The following SDK1 variants were observed in gnomAD, a reference collection of about 807,000 sequenced individuals.
The protein encoded by SDK1 is sidekick cell adhesion molecule 1.
Under a neutral mutation model 245.5 loss-of-function variants are expected in SDK1, and 157 were observed. The observed-to-expected ratio is 0.64, with a 90% CI of 0.56 to 0.73. SDK1 has a LOEUF of 0.73. SDK1 is among the 30% of genes least tolerant of loss of function. The probability of loss-of-function intolerance (pLI) is 0.00; values close to 1 mark genes in which losing one functional copy is unlikely to be tolerated. For synonymous variants in SDK1, 1,647 were observed against 1,278.5 expected (o/e 1.29, Z -6.15); for missense variants, 3,583 against 3,002.3 (o/e 1.19, Z -4.52).
At chr7:3,580,261 A>G (rs576046271) in intron 1 of SDK1, among the ~76,000 whole-genome samples, 1 of 152,190 alleles carries the variant, frequency 6.6e-6, no homozygotes, top group African/African-American at 2.4e-5. Context: ...CAAACTACCC[A>G]TAACATTCTT....
chr7:3,768,175 A>T (rs1001039139), intron 4 of SDK1, among the ~76,000 whole-genome samples: 5 of 152,192 alleles, frequency 3.3e-5, no homozygotes, highest in Admixed American at 1.3e-4. Context: ...TTCTAATTGC[A>T]TTTACTATTC....
chr7:3,804,621 A>G (rs944748755), intron 4 of SDK1, among the ~76,000 whole-genome samples: 1 of 152,196 alleles, frequency 6.6e-6, no homozygotes, highest in African/African-American at 2.4e-5. Context: ...TTTTGAAGGA[A>G]TCACATTAAA....
rs778307939 is a variant in SDK1 at position 3,642,054 on chromosome 7, C to A, written c.662C>A (p.Pro221His). The change falls in exon 4 of 45, where the codon CCT becomes CAT. Residue 221 changes from proline to histidine, a missense_variant. Transcript: ENST00000404826. ...CTGCCCATCACCAGCTACCCCAGAC[C>A]TCAAGTGACTTGGTTTAGAGAAGGG... The part of the protein sequence containing the change: ...NLLPITSYPR[P>H]QVTWFREGHK... The A allele has an allele frequency of 1.9e-6, 3 of 1,614,150 alleles. No homozygotes were observed. In the South Asian group the frequency reaches 3.3e-5, roughly 18 times the overall value.
chr7:3,451,379 T>A (rs1250217689), intron 1 of SDK1, among the ~76,000 whole-genome samples: 1 of 151,924 alleles, frequency 6.6e-6, no homozygotes, highest in Non-Finnish European at 1.5e-5. Context: ...CAGGGAAGAA[T>A]GCGAATAGCT....
At chr7:3,659,052 A>G (rs980075742) in intron 4 of SDK1, among the ~76,000 whole-genome samples, 4 of 152,170 alleles carry the variant, frequency 2.6e-5, no homozygotes, top group Admixed American at 1.3e-4. Flanking sequence ...GAATTTGCCT[A>G]TTCTGTCACT....
chr7:3,849,112 G>A (rs539960250), intron 5 of SDK1, among the ~76,000 whole-genome samples: 4 of 152,226 alleles, frequency 2.6e-5, no homozygotes, highest in Non-Finnish European at 4.4e-5. Context: ...TTTGCCGTCC[G>A]AACTTTCCCT....
intron 1 of SDK1, among the ~76,000 whole-genome samples, chr7:3,489,414 T>C (rs1231575064): frequency 2.0e-5 from 3 of 152,250 alleles, no homozygotes; most frequent in African/African-American, 4.8e-5. Context: ...CTGAAAATTA[T>C]TACTATAAAA....
In SDK1 at chr7:4,265,592, A is replaced by G; in HGVS notation, c.*208A>G. On this transcript the variant is annotated 3_prime_UTR_variant, in exon 45 of 45. Coordinates refer to ENST00000404826, the MANE Select transcript of SDK1 (RefSeq NM_152744.4). ...TTTTTGTAACTTCGCTGCAGGAAGC[A>G]GGTTTGTTTCTTTTTCTTTTCTTTT... 1 of 1,342,058 alleles carries G rather than the reference A, an allele frequency of 7.5e-7. No homozygotes were observed. Among genetic ancestry groups the G allele is most frequent in the Non-Finnish European group, 9.5e-7 (1 of 1,056,220 alleles). 83.1% of individuals were successfully genotyped at this position (1,342,058 alleles called of 1,614,324 possible).
chr7:3,971,994 C>T (rs542517674), intron 12 of SDK1, among the ~76,000 whole-genome samples: 13 of 151,960 alleles, frequency 8.6e-5, no homozygotes, highest in African/African-American at 2.7e-4. Context: ...GGAGGGAGTC[C>T]TGTGCATGGG....
chr7:3,622,187 A>C (rs887461844), intron 2 of SDK1, among the ~76,000 whole-genome samples: 13 of 152,174 alleles, frequency 8.5e-5, no homozygotes, highest in African/African-American at 3.1e-4. Context: ...AATTTAAAAC[A>C]ATTTTGTAGG....
intron 22 of SDK1, among the ~76,000 whole-genome samples, chr7:4,085,169 C>T (rs1781350893): frequency 6.6e-6 from 1 of 152,186 alleles, no homozygotes; most frequent in Non-Finnish European, 1.5e-5. Flanking sequence ...AGAGGTTCAA[C>T]CTGTGGTCTG....
At chr7:3,899,303 C>G (rs975937927) in intron 5 of SDK1, among the ~76,000 whole-genome samples, 2 of 152,146 alleles carry the variant, frequency 1.3e-5, no homozygotes, top group African/African-American at 4.8e-5. Context: ...CTGTCCTTGC[C>G]CCTCCTTGGC....
chr7:3,503,399 G>T (rs530489145), intron 1 of SDK1, among the ~76,000 whole-genome samples: 1 of 152,298 alleles, frequency 6.6e-6, no homozygotes, highest in South Asian at 2.1e-4. Flanking sequence ...ACAACTTCAG[G>T]TGGGGTGTGG....
At chr7:4,113,612 G>A (rs76501808) in intron 24 of SDK1, among the ~76,000 whole-genome samples, 173 bp downstream of exon 24, 1 of 152,196 alleles carries the variant, frequency 6.6e-6, no homozygotes, top group Non-Finnish European at 1.5e-5. Flanking sequence ...TCTCAGGCCA[G>A]CCCAGGAGAT....
intron 38 of SDK1, among the ~76,000 whole-genome samples, chr7:4,210,843 C>A (rs913368860): frequency 1.3e-5 from 2 of 152,208 alleles, no homozygotes; most frequent in Non-Finnish European, 2.9e-5. Context: ...AAACAACAGC[C>A]CGAGCGTGAT....
intron 4 of SDK1, among the ~76,000 whole-genome samples, chr7:3,668,755 C>T (rs1354657230): frequency 6.6e-6 from 1 of 152,238 alleles, no homozygotes; most frequent in African/African-American, 2.4e-5. Flanking sequence ...GGCGCCATTG[C>T]ACTCCAGCCT....
intron 1 of SDK1, among the ~76,000 whole-genome samples, chr7:3,512,601 T>G (rs1445989171): frequency 6.6e-6 from 1 of 152,192 alleles, no homozygotes; most frequent in Non-Finnish European, 1.5e-5. Flanking sequence ...TTCCCATTGC[T>G]CCGCATCCTC....
At chr7:3,345,602 G>C (rs1344727870) in intron 1 of SDK1, among the ~76,000 whole-genome samples, 2 of 151,994 alleles carry the variant, frequency 1.3e-5, no homozygotes, top group African/African-American at 4.8e-5. Flanking sequence ...TTGAAGATGG[G>C]AGTATAGTAA....
chr7:3,570,141 C>A (rs755803122), intron 1 of SDK1, among the ~76,000 whole-genome samples: 1 of 152,178 alleles, frequency 6.6e-6, no homozygotes, highest in Non-Finnish European at 1.5e-5. Flanking sequence ...CTGCATGTTT[C>A]CTGGCTTTTT....
Sources: allele counts gnomAD v4.1 joint callset (sites outside exome capture counted in the v4.1 genomes callset), GRCh38; gene constraint gnomAD v4.1.1; transcripts MANE v1.5; gene names NCBI Gene and HGNC (gene_info 2026-07-23, HGNC 2026-07-21).